GALNT13: variants seen among roughly 807,000 people sequenced by gnomAD.
GALNT13 encodes the protein UDP-GalNAc:polypeptide N-acetylgalactosaminyltransferase 13.
In GALNT13, 28 loss-of-function variants were observed where a neutral mutation model predicts 64.2. The ratio of observed to expected loss-of-function variants is 0.44; its 90% confidence interval spans 0.32 to 0.60. The LOEUF is 0.60. GALNT13 is among the 20% of genes least tolerant of loss of function. The pLI is 0.05. For missense variants in GALNT13, 577 were observed against 669.8 expected (o/e 0.86, Z 1.53); for synonymous variants, 214 against 224.6 (o/e 0.95, Z 0.42).
chr2:153,632,053 G>T, the GALNT13 span, among the ~76,000 whole-genome samples: 3 of 152,010 alleles, frequency 2.0e-5, no homozygotes, highest in Non-Finnish European at 4.4e-5. Context: ...AGCATCCTTT[G>T]TCCCTCTTAA....
chr2:154,021,298 G>T (rs1212310743), intron 3 of GALNT13, among the ~76,000 whole-genome samples: 4 of 152,140 alleles, frequency 2.6e-5, no homozygotes, highest in East Asian at 1.9e-4. Flanking sequence ...GGGCAGTATG[G>T]CCATTTTCAC....
At chr2:153,684,558 T>C in the GALNT13 span, among the ~76,000 whole-genome samples, 2 of 151,776 alleles carry the variant, frequency 1.3e-5, no homozygotes, top group African/African-American at 2.4e-5. Flanking sequence ...TACACATTTA[T>C]TTGGCCACAA....
At chr2:153,131,243 C>T in the GALNT13 span, among the ~76,000 whole-genome samples, 1 of 152,158 alleles carries the variant, frequency 6.6e-6, no homozygotes, top group Non-Finnish European at 1.5e-5. Context: ...TTTAAGTAGG[C>T]CCCTTGGAAA....
chr2:154,295,820 A>AGGGT (rs1264916188), intron 8 of GALNT13, among the ~76,000 whole-genome samples: 1 of 152,088 alleles, frequency 6.6e-6, no homozygotes, highest in African/African-American at 2.4e-5. Context: ...CCCAATGGGT[A>AGGGT]GGGTGAAATG....
the GALNT13 span, among the ~76,000 whole-genome samples, chr2:153,601,818 C>G: frequency 6.6e-6 from 1 of 151,758 alleles, no homozygotes; most frequent in Non-Finnish European, 1.5e-5. Flanking sequence ...AAATGGCAGG[C>G]AGAATTTAAA....
chr2:154,242,244 GT>G (rs764608545), intron 5 of GALNT13, 48 bp downstream of exon 5: 7 of 1,555,224 alleles, frequency 4.5e-6, no homozygotes, highest in Non-Finnish European at 5.3e-6. Context: ...GTTTTGTTTT[GT>G]TTTGTTTTTT....
the GALNT13 span, among the ~76,000 whole-genome samples, chr2:153,122,795 C>G: frequency 4.6e-5 from 7 of 152,170 alleles, no homozygotes; most frequent in Non-Finnish European, 8.8e-5. Flanking sequence ...ACCAAGCACC[C>G]TGTTGTGTGT....
chr2:154,187,210 T>C (rs989612441), intron 4 of GALNT13, among the ~76,000 whole-genome samples: 14 of 152,252 alleles, frequency 9.2e-5, no homozygotes, highest in Admixed American at 2.6e-4. Context: ...CAAACATATC[T>C]GATTTTACTG....
the GALNT13 span, among the ~76,000 whole-genome samples, chr2:153,597,321 G>A: frequency 1.3e-5 from 2 of 152,102 alleles, no homozygotes; most frequent in African/African-American, 4.8e-5. Flanking sequence ...AGCTGATCCT[G>A]TCCCACAATA....
chr2:154,263,833 G>A (rs1184343114), intron 8 of GALNT13, among the ~76,000 whole-genome samples: 1 of 151,922 alleles, frequency 6.6e-6, no homozygotes, highest in Non-Finnish European at 1.5e-5. Context: ...CATTCTCCTC[G>A]TCATTCACCT....
At chr2:154,097,865 A>G (rs1242667444) in intron 3 of GALNT13, among the ~76,000 whole-genome samples, 1 of 152,092 alleles carries the variant, frequency 6.6e-6, no homozygotes, top group East Asian at 1.9e-4. Context: ...CAGTTTCTTC[A>G]TTAGCAGTTT....
chr2:153,795,603 GTTTAC>G, the GALNT13 span, among the ~76,000 whole-genome samples: 4 of 151,886 alleles, frequency 2.6e-5, no homozygotes, highest in African/African-American at 9.7e-5. Context: ...AACTTTGGAA[GTTTAC>G]TTTATGACCT....
chr2:153,838,257 A>G, the GALNT13 span, among the ~76,000 whole-genome samples: 1 of 151,942 alleles, frequency 6.6e-6, no homozygotes, highest in African/African-American at 2.4e-5. Context: ...AGTTTGATGT[A>G]GTCCCACTTG....
At chr2:153,581,487 AT>A in the GALNT13 span, among the ~76,000 whole-genome samples, 3 of 151,968 alleles carry the variant, frequency 2.0e-5, no homozygotes, top group African/African-American at 7.2e-5. Context: ...CCTAATATAT[AT>A]TTTTTTAAAT....
At chr2:153,565,763 C>T in the GALNT13 span, among the ~76,000 whole-genome samples, 2 of 152,140 alleles carry the variant, frequency 1.3e-5, no homozygotes, top group Non-Finnish European at 2.9e-5. Flanking sequence ...TAAATATATA[C>T]CCAAGTATGC....
the GALNT13 span, among the ~76,000 whole-genome samples, chr2:153,443,810 C>T: frequency 6.6e-6 from 1 of 152,066 alleles, no homozygotes; most frequent in South Asian, 2.1e-4. Flanking sequence ...GTAATTCCAG[C>T]TACTCAGGAG....
the GALNT13 span, among the ~76,000 whole-genome samples, chr2:153,766,084 G>A: frequency 6.1e-4 from 93 of 152,024 alleles, no homozygotes; most frequent in African/African-American, 2.0e-3. Flanking sequence ...TTATCTGGAC[G>A]TCTTTATTTT....
At chr2:154,391,705 G>A (rs1698802307) in intron 9 of GALNT13, among the ~76,000 whole-genome samples, 1 of 152,108 alleles carries the variant, frequency 6.6e-6, no homozygotes. Context: ...CCTTTTCCAG[G>A]CATTATTTAT....
intron 2 of GALNT13, among the ~76,000 whole-genome samples, chr2:153,917,016 C>T (rs10183557): frequency 0.2 from 30,686 of 152,030 alleles, 4,071 homozygotes; most frequent in Middle Eastern, 0.33. Context: ...ATGAAACTGA[C>T]GAAAGAAATT....
Sources: allele counts gnomAD v4.1 joint callset (sites outside exome capture counted in the v4.1 genomes callset), GRCh38; gene constraint gnomAD v4.1.1; transcripts MANE v1.5; gene names NCBI Gene and HGNC (gene_info 2026-07-23, HGNC 2026-07-21).